The following PRKN variants were observed in gnomAD, a reference collection of about 807,000 sequenced individuals.
PRKN encodes the protein parkin RBR E3 ubiquitin protein ligase, also known as E3 ubiquitin-protein ligase parkin.
PRKN carries 56 observed loss-of-function variants against 59.5 expected under a neutral mutation model. The observed-to-expected ratio is 0.94, with a 90% confidence interval of 0.76 to 1.18. The LOEUF (loss-of-function observed/expected upper bound fraction) is 1.18, where lower values mean the gene tolerates loss of function less well. PRKN is among the 50% of genes most tolerant of loss of function. The probability of loss-of-function intolerance (pLI) is 0.00; values close to 1 mark genes in which losing one functional copy is unlikely to be tolerated. For missense variants in PRKN, 657 were observed against 596.4 expected (o/e 1.10, Z -1.06); for synonymous variants, 250 against 222.1 (o/e 1.13, Z -1.12).
At chr6:162,495,374 T>C (rs138598512) in intron 1 of PRKN, among the ~76,000 whole-genome samples, 9 of 152,340 alleles carry the variant, frequency 5.9e-5, no homozygotes, top group Non-Finnish European at 1.0e-4. Context: ...TTTTGGTCTT[T>C]TTATTTCAGT....
chr6:162,371,763 G>A (rs1411096923), intron 2 of PRKN, among the ~76,000 whole-genome samples: 2 of 152,028 alleles, frequency 1.3e-5, no homozygotes, highest in African/African-American at 2.4e-5. Flanking sequence ...TTCCAGTTCT[G>A]TGATGCCAAC....
intron 6 of PRKN, among the ~76,000 whole-genome samples, chr6:161,914,230 A>G (rs1647531973): frequency 6.6e-6 from 1 of 152,214 alleles, no homozygotes. Context: ...ATAAGGTAGT[A>G]TTATATATAC....
At chr6:161,619,887 G>A (rs981514123) in intron 7 of PRKN, among the ~76,000 whole-genome samples, 1 of 150,968 alleles carries the variant, frequency 6.6e-6, no homozygotes, top group Non-Finnish European at 1.5e-5. Context: ...GATGTATTAG[G>A]TTATATAAAA....
intron 2 of PRKN, among the ~76,000 whole-genome samples, chr6:162,363,942 C>G (rs1361497119): frequency 6.6e-6 from 1 of 152,200 alleles, no homozygotes; most frequent in East Asian, 1.9e-4. Context: ...GTAGTCCCAG[C>G]TCAGTATTCA....
At chr6:162,246,220 C>T (rs1011024030) in intron 3 of PRKN, among the ~76,000 whole-genome samples, 10 of 152,054 alleles carry the variant, frequency 6.6e-5, no homozygotes, top group African/African-American at 2.2e-4. Flanking sequence ...TGAGGTCTTT[C>T]GGGTGAGCCC....
At chr6:161,839,754 G>T (rs1792907513) in intron 6 of PRKN, among the ~76,000 whole-genome samples, 1 of 152,182 alleles carries the variant, frequency 6.6e-6, no homozygotes, top group South Asian at 2.1e-4. Context: ...TACAGGAGGG[G>T]CGCAGCCAAT....
In PRKN at chr6:161,502,818, A is replaced by G. The variant is rs184914416; in HGVS notation, c.1083+46036T>C. ...GGAAGGACAGGTGTGGAATGGTTATAAGTACATGCTCTGGAGTAGAAGGCT... is the reference window on the plus strand; with the variant it reads ...GGAAGGACAGGTGTGGAATGGTTATGAGTACATGCTCTGGAGTAGAAGGCT... On this transcript the variant is annotated intron_variant, in intron 9 of 11. Transcript: ENST00000366898. This position sits in a 1 kb window ranked among gnomAD's most constrained non-coding sequence, Gnocchi z 4.0. Among the ~76,000 whole-genome samples the G allele has an allele frequency of 9.2e-5, 14 of 152,268 alleles. No homozygotes were observed. Among genetic ancestry groups the G allele is most frequent in the African/African-American group, 3.4e-4 (14 of 41,558 alleles).
chr6:161,571,681 T>C (rs1258639907), intron 7 of PRKN, among the ~76,000 whole-genome samples: 1 of 152,218 alleles, frequency 6.6e-6, no homozygotes, highest in Non-Finnish European at 1.5e-5. Context: ...GATGAATTTA[T>C]GTGTCTACTT....
chr6:161,453,435 T>G (rs1789831918), intron 9 of PRKN, among the ~76,000 whole-genome samples: 1 of 152,194 alleles, frequency 6.6e-6, no homozygotes, highest in African/African-American at 2.4e-5. Context: ...AACCAAACAT[T>G]ACTCTGGGTG....
Position 162,704,183 on chromosome 6 carries a change from C to G in PRKN, c.7+23479G>C, listed in dbSNP as rs575810666. ...AATAGCTGGAGCTGGCCATGCCCTC[C>G]ACCTGGGCAGCAGGGGACTATACCA... On this transcript the variant is annotated intron_variant, in intron 1 of 11. Transcript: ENST00000366898. 1.3e-4 allele frequency among the ~76,000 whole-genome samples: 20 copies of G among 152,264 alleles called. No individual in the cohort carries two copies. The South Asian group carries it at 4.1e-3, about 32-fold the overall frequency.
chr6:161,890,181 T>C (rs933053188), intron 6 of PRKN, among the ~76,000 whole-genome samples: 6 of 152,234 alleles, frequency 3.9e-5, no homozygotes, highest in Non-Finnish European at 7.3e-5. Context: ...ATTCTGAGAA[T>C]GTTATCTTAC....
At chr6:162,691,011 T>C (rs897903514) in intron 1 of PRKN, among the ~76,000 whole-genome samples, 4 of 152,184 alleles carry the variant, frequency 2.6e-5, no homozygotes, top group African/African-American at 9.6e-5. Context: ...AATGGAATCT[T>C]TACTAGTAAT....
chr6:162,084,711 C>T (rs1344022937), intron 4 of PRKN, among the ~76,000 whole-genome samples: 4 of 152,084 alleles, frequency 2.6e-5, no homozygotes, highest in African/African-American at 9.6e-5. Flanking sequence ...TTTTCCTATA[C>T]TCTGTGTTAC....
At chr6:161,394,122 A>G (rs555638838) in intron 9 of PRKN, among the ~76,000 whole-genome samples, 79 of 152,324 alleles carry the variant, frequency 5.2e-4, no homozygotes, top group African/African-American at 1.8e-3. Flanking sequence ...GTGCCACAGA[A>G]CGGAGATGGT....
intron 9 of PRKN, among the ~76,000 whole-genome samples, chr6:161,450,977 A>T (rs1300526753): frequency 1.3e-5 from 2 of 152,192 alleles, no homozygotes; most frequent in African/African-American, 4.8e-5. Flanking sequence ...AACAATATGA[A>T]TGATATGAAA....
rs1354382182 is a variant in PRKN, at chr6:161,379,739, C to G, written c.1167+7055G>C. ...TCAGAAGGCTCATCCAGCTCCAGAG[C>G]TCCTTCTAGGACCTGCTGTGGCAAC... On this transcript the variant is annotated intron_variant, in intron 10 of 11. Transcript: ENST00000366898. The surrounding 1 kb of genome is among the most constrained non-coding windows in gnomAD (Gnocchi z 4.9). 6.6e-6 allele frequency among the ~76,000 whole-genome samples: 1 copy of G among 152,228 alleles called. No individual in the cohort carries two copies. The highest frequency in any genetic ancestry group is 2.1e-4 in the South Asian group (1 of 4,834).
At chr6:162,010,540 G>A (rs373953381) in intron 5 of PRKN, among the ~76,000 whole-genome samples, 2,170 of 4,226 alleles carry the variant, frequency 0.51, 635 homozygotes, top group African/African-American at 0.81. Context: ...ATTATATAAT[G>A]TATTATATTA....
chr6:161,899,690 C>G (rs149177112), intron 6 of PRKN, among the ~76,000 whole-genome samples: 22 of 152,308 alleles, frequency 1.4e-4, no homozygotes, highest in African/African-American at 5.3e-4. Context: ...AACTACTTAC[C>G]AAACATACAC....
intron 1 of PRKN, among the ~76,000 whole-genome samples, chr6:162,540,951 C>T (rs1778905022): frequency 6.6e-6 from 1 of 152,082 alleles, no homozygotes; most frequent in Non-Finnish European, 1.5e-5. Flanking sequence ...AACTTTTCAC[C>T]ATTTTTGACA....
Sources: allele counts gnomAD v4.1 joint callset (sites outside exome capture counted in the v4.1 genomes callset), GRCh38; gene constraint gnomAD v4.1.1; non-coding constraint Gnocchi (gnomAD v3.1); transcripts MANE v1.5; gene names NCBI Gene and HGNC (gene_info 2026-07-23, HGNC 2026-07-21).